MARCHF6: variants seen among roughly 807,000 people sequenced by gnomAD.
The protein encoded by MARCHF6 is membrane associated ring-CH-type finger 6, also known as E3 ubiquitin-protein ligase MARCHF6.
A neutral mutation model predicts 133.7 loss-of-function variants in MARCHF6; 31 were observed. The observed-to-expected ratio is 0.23, with a 90% confidence interval of 0.17 to 0.31. The LOEUF (loss-of-function observed/expected upper bound fraction) is 0.31. Ranked by LOEUF, MARCHF6 falls within the 10% of genes least tolerant of loss-of-function variation. The pLI is 1.00. For synonymous variants in MARCHF6, 395 were observed against 402.5 expected, an observed-to-expected ratio of 0.98 and a Z score of 0.22; for missense variants, 723 against 1,121.6, an observed-to-expected ratio of 0.64 and a Z score of 5.08.
chr5:10,396,882 G>C (rs1257680810), intron 9 of MARCHF6, among the ~76,000 whole-genome samples: 3 of 152,174 alleles, frequency 2.0e-5, no homozygotes, highest in African/African-American at 7.2e-5. Flanking sequence ...AGGCAGATTG[G>C]ACGTTGAAAG....
At chr5:10,385,033 T>C (rs367817163) in intron 4 of MARCHF6, among the ~76,000 whole-genome samples, 1 of 152,232 alleles carries the variant, frequency 6.6e-6, no homozygotes, top group East Asian at 1.9e-4. Context: ...AGCTAACTAT[T>C]GTGACATGGA....
intron 5 of MARCHF6, among the ~76,000 whole-genome samples, chr5:10,387,863 T>C (rs1255490460): frequency 6.6e-6 from 1 of 152,090 alleles, no homozygotes; most frequent in Non-Finnish European, 1.5e-5. Context: ...GGTTTCACCA[T>C]GTTAGCCAGG....
At chr5:10,389,979 A>C (rs564336851) in intron 5 of MARCHF6, among the ~76,000 whole-genome samples, 3 of 152,348 alleles carry the variant, frequency 2.0e-5, no homozygotes, top group African/African-American at 7.2e-5. Flanking sequence ...GCCTTTGTCA[A>C]GTGTTAGACT....
chr5:10,354,334 C>G (rs990065422), intron 1 of MARCHF6, among the ~76,000 whole-genome samples: 2 of 152,196 alleles, frequency 1.3e-5, no homozygotes, highest in African/African-American at 4.8e-5. Context: ...AGGCCCTACC[C>G]CCTCGCGACA....
chr5:10,392,235 C>T (rs1293285016), intron 7 of MARCHF6, among the ~76,000 whole-genome samples: 2 of 151,946 alleles, frequency 1.3e-5, no homozygotes, highest in Non-Finnish European at 2.9e-5. Context: ...GGATTACAGG[C>T]GTGAGCCACT....
chr5:10,379,914 T>C (rs1737026483), intron 3 of MARCHF6, among the ~76,000 whole-genome samples: 1 of 152,096 alleles, frequency 6.6e-6, no homozygotes, highest in Non-Finnish European at 1.5e-5. Flanking sequence ...CCAAACAAAG[T>C]TTTAAATTAC....
Position 10,386,132 on chromosome 5 carries a change from C to G in MARCHF6, c.335-862C>G, listed in dbSNP as rs115447788. Among the ~76,000 whole-genome samples the G allele has an allele frequency of 4.6e-3, 703 of 152,032 alleles. 6 individuals carry two copies. Among genetic ancestry groups the G allele is most frequent in the African/African-American group, 0.016 (665 of 41,468 alleles). ...TTGGTTTGTCAGTTTTACATTGTTA[C>G]AAGCATACTTGTCTGAGTATTTTAT... is the stretch of plus-strand genomic sequence containing the variant. On this transcript the variant is annotated intron_variant, in intron 4 of 25. Coordinates refer to ENST00000274140, the MANE Select transcript of MARCHF6 (RefSeq NM_005885.4).
At chr5:10,389,411 C>CT (rs60433364) in intron 5 of MARCHF6, among the ~76,000 whole-genome samples, 2,578 of 151,332 alleles carry the variant, frequency 0.017, 82 homozygotes, top group African/African-American at 0.06. Flanking sequence ...TGAAAAATTT[C>CT]TTTTTTTTTG....
Position 10,403,561 on chromosome 5 carries a change from C to T in MARCHF6, c.1332+20C>T. On this transcript the variant is annotated intron_variant, in intron 15 of 25. Coordinates refer to ENST00000274140, the MANE Select transcript of MARCHF6 (RefSeq NM_005885.4). ...AGAGAGGTAAGTCCACAGGGAAATG[C>T]TGATGCTGTACATTTATAAAAAGGA... 6.3e-7 allele frequency: 1 copy of T among 1,595,478 alleles called. No homozygotes were observed. The highest frequency in any genetic ancestry group is 8.5e-7 in the Non-Finnish European group (1 of 1,172,556).
At chr5:10,400,499 T>G (rs1738461992) in intron 10 of MARCHF6, among the ~76,000 whole-genome samples, 1 of 152,196 alleles carries the variant, frequency 6.6e-6, no homozygotes, top group Non-Finnish European at 1.5e-5. Flanking sequence ...GTATGTTCAG[T>G]GTTTTTCCAT....
intron 22 of MARCHF6, among the ~76,000 whole-genome samples, chr5:10,421,527 A>G (rs1739822121): frequency 2.0e-5 from 3 of 152,224 alleles, no homozygotes; most frequent in African/African-American, 7.2e-5. Context: ...TTCCTGCAGC[A>G]AGTGGCTGCA....
intron 22 of MARCHF6, among the ~76,000 whole-genome samples, chr5:10,418,567 C>G (rs1446216715): frequency 6.6e-6 from 1 of 152,146 alleles, no homozygotes; most frequent in Admixed American, 6.5e-5. Flanking sequence ...GTATTGACTT[C>G]AGTCATTCAA....
intron 4 of MARCHF6, among the ~76,000 whole-genome samples, chr5:10,383,736 A>C (rs1737298627): frequency 6.6e-6 from 1 of 152,232 alleles, no homozygotes; most frequent in Admixed American, 6.5e-5. Flanking sequence ...GAAAGATGTG[A>C]GATACAAAGA....
chr5:10,386,839 T>C (rs1737509364), intron 4 of MARCHF6, 155 bp from the exon 5 acceptor site: 3 of 564,110 alleles, frequency 5.3e-6, no homozygotes, highest in Non-Finnish European at 9.8e-6. Flanking sequence ...GACTGTGTTT[T>C]TAAAAATTTA....
At chr5:10,431,729 T>C (rs1412149727) in intron 25 of MARCHF6, among the ~76,000 whole-genome samples, 1 of 151,986 alleles carries the variant, frequency 6.6e-6, no homozygotes, top group Non-Finnish European at 1.5e-5. Flanking sequence ...GGGTTCAGAG[T>C]CTCCTTTCTC....
chr5:10,369,872 TTATC>T (rs1301893643), intron 1 of MARCHF6, among the ~76,000 whole-genome samples: 2 of 152,118 alleles, frequency 1.3e-5, no homozygotes, highest in African/African-American at 2.4e-5. Context: ...GTACCAAAGT[TTATC>T]TATTACCCAG....
rs1049706707 is a variant in MARCHF6 at position 10,429,193 on chromosome 5, G to GC, written c.2507-694dup. On this transcript the variant is annotated intron_variant, in intron 24 of 25. Transcript: ENST00000274140. ...CGAAAGTACTTGCTCTGATTTTAAA[G>GC]CCCCCCAGTCCCCTCTGCCAAAGAA... Among the ~76,000 whole-genome samples, 11 of 152,238 alleles carry GC rather than the reference G, an allele frequency of 7.2e-5. No homozygotes were observed. In the South Asian group the frequency reaches 1.0e-3, roughly 14 times the overall value.
At position 10,426,566 on chromosome 5, in the gene MARCHF6, A is replaced by G. The variant is rs780630031; in HGVS notation, c.2506+44A>G. 2.6e-5 allele frequency: 42 copies of G among 1,601,108 alleles called. No individual in the cohort carries two copies. The East Asian group carries it at 9.4e-4, about 36-fold the overall frequency. On this transcript the variant is annotated intron_variant, in intron 24 of 25. Coordinates refer to ENST00000274140, the MANE Select transcript of MARCHF6 (RefSeq NM_005885.4). ...GGAGCCTTGAAGGAGCACTTTTATT[A>G]ACATTGGACATTCTCTTTACCCCTA...
chr5:10,371,265 A>G (rs766882476), intron 1 of MARCHF6, among the ~76,000 whole-genome samples: 38 of 152,174 alleles, frequency 2.5e-4, no homozygotes, highest in Admixed American at 8.5e-4. Flanking sequence ...TTCCCAAACT[A>G]TGAGATTGGT....
Sources: gnomAD v4.1 joint callset for allele counts (sites outside exome capture counted in the v4.1 genomes callset) on GRCh38, gnomAD v4.1.1 for gene constraint, MANE v1.5 for transcripts, NCBI Gene and HGNC (gene_info 2026-07-23, HGNC 2026-07-21) for gene names.